The following C1orf21 variants were observed in gnomAD, a reference collection of about 807,000 sequenced individuals.
The protein encoded by C1orf21 is chromosome 1 open reading frame 21.
In C1orf21, 3 loss-of-function variants were observed where a neutral mutation model predicts 18.7. The ratio of observed to expected loss-of-function variants is 0.16; its 90% CI spans 0.07 to 0.42. The LOEUF is 0.42. C1orf21 is among the 10% of genes least tolerant of loss of function. C1orf21 has a pLI of 0.99. For synonymous variants in C1orf21, 41 were observed against 46.4 expected (o/e 0.88, Z 0.47); for missense variants, 104 against 143.6 (o/e 0.72, Z 1.41).
chr1:184,474,093 A>G (rs1657535148), intron 1 of C1orf21, among the ~76,000 whole-genome samples: 1 of 152,208 alleles, frequency 6.6e-6, no homozygotes, highest in South Asian at 2.1e-4. Context: ...TGCCCCTCAA[A>G]TGACTTCATA....
At chr1:184,561,299 G>A (rs1658960063) in intron 3 of C1orf21, among the ~76,000 whole-genome samples, 1 of 152,160 alleles carries the variant, frequency 6.6e-6, no homozygotes, top group African/African-American at 2.4e-5. Flanking sequence ...TAAGGCTTCA[G>A]GGTGGAGCCA....
At chr1:184,455,612 C>T (rs1027728143) in intron 1 of C1orf21, among the ~76,000 whole-genome samples, 1 of 152,126 alleles carries the variant, frequency 6.6e-6, no homozygotes, top group Non-Finnish European at 1.5e-5. Context: ...CAATGATTAC[C>T]TTTCTAGGAT....
At chr1:184,515,699 A>G (rs1363755981) in intron 3 of C1orf21, among the ~76,000 whole-genome samples, 2 of 152,242 alleles carry the variant, frequency 1.3e-5, no homozygotes, top group African/African-American at 4.8e-5. Context: ...TGCTTTAATT[A>G]ACATTTGTCA....
chr1:184,485,923 G>A lies in C1orf21; in HGVS notation c.94+8320G>A, dbSNP rs377624368. Among the ~76,000 whole-genome samples, 514 of 152,330 alleles carry A rather than the reference G, an allele frequency of 3.4e-3. 1 individual carries two copies. Among genetic ancestry groups the A allele is most frequent in the Middle Eastern group, 6.8e-3 (2 of 294 alleles). ...GTAAAGAGCCCTAAGGGCAGGAGAA[G>A]TGTTTGACGGATTTGTGATAGGCCA... On this transcript the variant is annotated intron_variant, in intron 2 of 5. Coordinates refer to ENST00000235307, the MANE Select transcript of C1orf21 (RefSeq NM_030806.4).
chr1:184,619,285 A>G (rs889649328), intron 5 of C1orf21, among the ~76,000 whole-genome samples: 1 of 152,200 alleles, frequency 6.6e-6, no homozygotes, highest in Non-Finnish European at 1.5e-5. Flanking sequence ...TACCAACATA[A>G]AGTAAGGGCT....
chr1:184,481,052 C>T (rs1449368378), intron 2 of C1orf21, among the ~76,000 whole-genome samples: 1 of 152,016 alleles, frequency 6.6e-6, no homozygotes, highest in Non-Finnish European at 1.5e-5. Flanking sequence ...GTTAGATAAG[C>T]TTCCAGTGTA....
chr1:184,618,927 T>G (rs1255140001), intron 5 of C1orf21, among the ~76,000 whole-genome samples: 2 of 152,238 alleles, frequency 1.3e-5, no homozygotes, highest in Non-Finnish European at 2.9e-5. Context: ...AAATAACCAT[T>G]GTACATAGTC....
At chr1:184,550,139 AT>A (rs1479202322) in intron 3 of C1orf21, among the ~76,000 whole-genome samples, 1 of 152,160 alleles carries the variant, frequency 6.6e-6, no homozygotes, top group East Asian at 1.9e-4. Context: ...TGTTATAGAT[AT>A]TTTTCCTTAA....
At chr1:184,554,166 C>A (rs1438700546) in intron 3 of C1orf21, among the ~76,000 whole-genome samples, 5 of 152,300 alleles carry the variant, frequency 3.3e-5, no homozygotes, top group African/African-American at 1.2e-4. Flanking sequence ...TTTTGATAAC[C>A]TGTAATGAGT....
rs1211832888 is a variant in C1orf21 at position 184,619,814 on chromosome 1, T to C, written c.*258T>C. On this transcript the variant is annotated 3_prime_UTR_variant, in exon 6 of 6. Coordinates refer to ENST00000235307, the MANE Select transcript of C1orf21 (RefSeq NM_030806.4). ...AACTTGTTGCAACTTTTCACTTCTC[T>C]TGTGTCCAGGTATGCAGCAAAATTC... is the stretch of plus-strand genomic sequence containing the variant. 4 of 389,052 alleles carry C rather than the reference T, an allele frequency of 1.0e-5. No individual in the cohort carries two copies. The highest frequency in any genetic ancestry group is 1.4e-5 in the Non-Finnish European group (3 of 221,194). The allele number at this position is 389,052 out of a possible 1,614,324, so 24.1% of individuals were successfully genotyped here. A position where few individuals can be genotyped will look rare whatever the true frequency, so the allele number is the denominator to read the frequency against.
intron 5 of C1orf21, among the ~76,000 whole-genome samples, chr1:184,614,885 G>A (rs998606842): frequency 4.6e-5 from 7 of 152,278 alleles, no homozygotes; most frequent in East Asian, 1.9e-4. Context: ...TCACTCACTC[G>A]CCTGTCGCTC....
At chr1:184,591,731 T>C (rs527400193) in intron 4 of C1orf21, among the ~76,000 whole-genome samples, 64 of 151,154 alleles carry the variant, frequency 4.2e-4, no homozygotes, top group African/African-American at 1.5e-3. Context: ...GCGTGAACCC[T>C]GGAGGTGGAG....
intron 3 of C1orf21, among the ~76,000 whole-genome samples, chr1:184,569,855 G>A (rs1659084650): frequency 6.6e-6 from 1 of 152,194 alleles, no homozygotes; most frequent in South Asian, 2.1e-4. Context: ...AGGTCACTGT[G>A]CTGTGGAGAG....
intron 3 of C1orf21, among the ~76,000 whole-genome samples, chr1:184,536,538 A>G (rs1364740646): frequency 6.6e-6 from 1 of 152,176 alleles, no homozygotes. Flanking sequence ...GAGGTGAGAA[A>G]TGGCTGTCAC....
At chr1:184,490,323 C>T (rs146196393) in intron 2 of C1orf21, among the ~76,000 whole-genome samples, 20 of 152,324 alleles carry the variant, frequency 1.3e-4, no homozygotes, top group Admixed American at 1.3e-3. Flanking sequence ...ATGTCAGTAC[C>T]ATAGGGTGAT....
At chr1:184,582,262 CA>C (rs1659285860) in intron 3 of C1orf21, among the ~76,000 whole-genome samples, 1 of 152,204 alleles carries the variant, frequency 6.6e-6, no homozygotes, top group Non-Finnish European at 1.5e-5. Flanking sequence ...GTTACTCCCC[CA>C]AAGCTAGCAT....
At chr1:184,617,232 C>T (rs532318149) in intron 5 of C1orf21, among the ~76,000 whole-genome samples, 27 of 152,206 alleles carry the variant, frequency 1.8e-4, no homozygotes, top group African/African-American at 5.1e-4. Flanking sequence ...GCAATTTGTG[C>T]GCTGTCAAAC....
intron 1 of C1orf21, among the ~76,000 whole-genome samples, chr1:184,427,357 A>G (rs1571352748): frequency 6.6e-6 from 1 of 152,200 alleles, no homozygotes. Flanking sequence ...CTCTGTTTGT[A>G]TGAGCTTCTC....
intron 1 of C1orf21, among the ~76,000 whole-genome samples, chr1:184,441,680 A>G (rs192353769): frequency 8.5e-5 from 13 of 152,274 alleles, no homozygotes; most frequent in Admixed American, 2.6e-4. Context: ...AATCCTAACC[A>G]CTGTGTTTAC....
Sources: gnomAD v4.1 joint callset for allele counts (sites outside exome capture counted in the v4.1 genomes callset) on GRCh38, gnomAD v4.1.1 for gene constraint, MANE v1.5 for transcripts, NCBI Gene and HGNC (gene_info 2026-07-23, HGNC 2026-07-21) for gene names.